The following GIGYF1 variants were observed in gnomAD, a reference collection of about 807,000 sequenced individuals.
GIGYF1 encodes the protein GRB10-interacting GYF protein 1.
GIGYF1 carries 84 observed loss-of-function variants against 147.1 expected under a neutral mutation model. The ratio of observed to expected loss-of-function variants is 0.57; its 90% CI spans 0.48 to 0.68. The LOEUF (loss-of-function observed/expected upper bound fraction) is 0.68. Among genes scored for constraint, GIGYF1 ranks in the 30% least tolerant of loss-of-function variants. The probability of loss-of-function intolerance (pLI) is 0.00; values close to 1 mark genes in which losing one functional copy is unlikely to be tolerated. For synonymous variants in GIGYF1, 752 were observed against 589.5 expected, an observed-to-expected ratio of 1.28 and a Z score of -3.99; for missense variants, 1,485 against 1,393.7, an observed-to-expected ratio of 1.07 and a Z score of -1.04.
chr7:100,685,722 G>A (rs927496033), intron 12 of GIGYF1, among the ~76,000 whole-genome samples: 9 of 152,254 alleles, frequency 5.9e-5, no homozygotes, highest in East Asian at 5.8e-4. Context: ...CACCGCAGAC[G>A]TCACTCCAGG....
At chr7:100,682,034 G>C (rs1393616813) in intron 25 of GIGYF1, 38 bp downstream of exon 25, 1 of 1,610,870 alleles carries the variant, frequency 6.2e-7, no homozygotes, top group Non-Finnish European at 8.5e-7. Flanking sequence ...GGAGGCACCA[G>C]GCAAGCCCAC....
At chr7:100,683,738 G>T in intron 19 of GIGYF1, 80 bp downstream of exon 19, 1 of 1,543,544 alleles carries the variant, frequency 6.5e-7, no homozygotes. Flanking sequence ...AGCTAGGGGC[G>T]TGTGGGGGTG....
At chr7:100,684,963 G>A (rs764696486) in intron 14 of GIGYF1, 69 bp from the exon 15 acceptor site, 103 of 1,581,474 alleles carry the variant, frequency 6.5e-5, no homozygotes, top group Non-Finnish European at 8.7e-5. Context: ...GGATGGGGAT[G>A]GAGCTTGAGC....
chr7:100,682,843 T>C (rs1804920141), intron 22 of GIGYF1, 66 bp from the exon 23 acceptor site: 1 of 1,461,424 alleles, frequency 6.8e-7, no homozygotes, highest in Admixed American at 2.4e-5. Context: ...TGGGGAGGCT[T>C]GTTTAGGTGG....
chr7:100,684,342 T>C lies in GIGYF1; in HGVS notation c.1630-5A>G. ...CCGCTCCTGGTCCATGTTTCCCTGC[T>C]CAGGTGAGAGCTCGGCCAGTGCCCC... On this transcript the variant is annotated splice_polypyrimidine_tract_variant and splice_region_variant and intron_variant, in intron 16 of 26. Transcript: ENST00000678049. 1 of 1,595,402 alleles carries C rather than the reference T, an allele frequency of 6.3e-7. No homozygotes were observed.
At chr7:100,684,212 C>G (rs780327911) in intron 17 of GIGYF1, 25 bp downstream of exon 17, 1 of 1,609,688 alleles carries the variant, frequency 6.2e-7, no homozygotes, top group Non-Finnish European at 8.5e-7. Context: ...GGGCCTTCTC[C>G]CAGCCCACCC....
At position 100,682,703 on chromosome 7, in the gene GIGYF1, G is replaced by A. The variant is rs749666868; in HGVS notation, c.2487C>T (p.Asp829=). The A allele has an allele frequency of 1.3e-6, 2 of 1,591,284 alleles. No homozygotes were observed. The highest frequency in any genetic ancestry group is 2.3e-5 in the South Asian group (2 of 87,960). The change falls in exon 23 of 27, where the codon GAC becomes GAT. Residue 829 remains aspartate (D), a synonymous_variant. Coordinates refer to ENST00000678049, the MANE Select transcript of GIGYF1 (RefSeq NM_001375765.1). ...GGCCGCTGCTGCCGCCCCCACTCTTGTCTGGCCCGCCCCACAGTGGCCCAG... is the reference window on the plus strand; with the variant it reads ...GGCCGCTGCTGCCGCCCCCACTCTTATCTGGCCCGCCCCACAGTGGCCCAG... ...SEAGPLWGGP[D]KSGGGSSGLG...
Position 100,687,834 on chromosome 7 carries a change from T to C in GIGYF1, c.215A>G (p.Glu72Gly), listed in dbSNP as rs1339936609. 6.2e-7 allele frequency: 1 copy of C among 1,612,844 alleles called. No homozygotes were observed. Among genetic ancestry groups the C allele is most frequent in the South Asian group, 1.1e-5 (1 of 91,072 alleles). ...DKEFAAVLQD[E>G]PLQPLALEPL... ...CTCCAGAGCCAGGGGCTGCAGTGGC[T>C]CGTCCTGCAGCACCGCGGCGAACTC... Residue 72 changes from glutamate to glycine, a missense_variant, in exon 6 of 27, where the codon GAG (glutamate) becomes GGG (glycine). By Grantham distance (98) the Glu-to-Gly change is moderately conservative. Transcript: ENST00000678049.
rs1474960468 is a variant in GIGYF1, at chr7:100,687,017, C to T, written c.512G>A (p.Arg171Lys). 2 of 1,613,976 alleles carry T rather than the reference C, an allele frequency of 1.2e-6. No homozygotes were observed. Among genetic ancestry groups the T allele is most frequent in the East Asian group, 2.2e-5 (1 of 44,888 alleles). ...RGERRFEKSA[R>K]RDGARCGFEE... is the part of the protein sequence containing the mutation. Reference sequence around the variant, plus strand: ...CAGCAGCCTCGTACCTCCATCCCGCCTTGCTGACTTCTCAAACCGCCTCTC... The same window carrying T: ...CAGCAGCCTCGTACCTCCATCCCGCTTTGCTGACTTCTCAAACCGCCTCTC... The change falls in exon 9 of 27, where the codon AGG becomes AAG. Residue 171 changes from arginine to lysine, a missense_variant. By Grantham distance (26) the Arg-to-Lys change is conservative (BLOSUM62 2). Transcript: ENST00000678049.
chr7:100,682,540 G>C, intron 23 of GIGYF1, 50 bp downstream of exon 23: 1 of 1,595,854 alleles, frequency 6.3e-7, no homozygotes, highest in East Asian at 2.2e-5. Flanking sequence ...GGGGGGGTCT[G>C]CCACCTTCCC....
chr7:100,684,560 A>T lies in GIGYF1; in HGVS notation c.1519T>A (p.Ser507Thr). The T allele has an allele frequency of 6.2e-7, 1 of 1,614,130 alleles. No homozygotes were observed. Among genetic ancestry groups the T allele is most frequent in the East Asian group, 2.2e-5 (1 of 44,882 alleles). ...EWFQAGYFSM[S>T]LLVKRGCDEG... ...TCGCAGCCCCGCTTCACCAGCAGTG[A>T]CATGGAAAAGTAGCCGGCCTGGAAC... The change falls in exon 16 of 27, where the codon TCA (serine) becomes ACA (threonine). Residue 507 changes from serine to threonine, a missense_variant. Ser to Thr is a moderately conservative substitution (Grantham distance 58). Transcript: ENST00000678049.
At chr7:100,684,188 A>C in intron 17 of GIGYF1, 31 bp from the exon 18 acceptor site, 2 of 1,609,214 alleles carry the variant, frequency 1.2e-6, no homozygotes, top group Non-Finnish European at 1.7e-6. Context: ...ATGGTGGGCC[A>C]CAGAGCCAGC....
Position 100,688,761 on chromosome 7 carries a change from C to A in GIGYF1, c.-304G>T. On this transcript the variant is annotated 5_prime_UTR_variant, in exon 2 of 27. Coordinates refer to ENST00000678049, the MANE Select transcript of GIGYF1 (RefSeq NM_001375765.1). ...GGAGGAGGGAGGGTTCAGGACATGG[C>A]TCTGCCGGCAGCCCTGCCCTGCCCC... 1 of 300,812 alleles carries A rather than the reference C, an allele frequency of 3.3e-6. No homozygotes were observed. The highest frequency in any genetic ancestry group is 4.2e-5 in the Admixed American group (1 of 23,910). 18.6% of individuals were successfully genotyped at this position (300,812 alleles called of 1,614,324 possible).
At chr7:100,686,474 A>G (rs1347763282) in intron 10 of GIGYF1, 41 bp from the exon 11 acceptor site, 2 of 1,542,194 alleles carry the variant, frequency 1.3e-6, no homozygotes, top group Non-Finnish European at 1.7e-6. Context: ...TGGGTACCCA[A>G]GCGAAGCCAG....
At position 100,686,387 on chromosome 7, in the gene GIGYF1, C is replaced by T; in HGVS notation, c.741G>A (p.Arg247=). 6.2e-7 allele frequency: 1 copy of T among 1,611,030 alleles called. No homozygotes were observed. Among genetic ancestry groups the T allele is most frequent in the Non-Finnish European group, 8.5e-7 (1 of 1,178,448 alleles). Residue 247 remains arginine, a synonymous_variant, in exon 11 of 27, where the codon CGG becomes CGA. Transcript: ENST00000678049. ...SAGWREHGER[R]RKFEFDLRGD... ...CTCGCAAATCAAATTCAAACTTGCG[C>T]CGCCGTTCCCCATGTTCCCGCCAGC...
At position 100,685,218 on chromosome 7, in the gene GIGYF1, C is replaced by G. The variant is rs1251864043; in HGVS notation, c.1193-72G>C. ...AAGATAGCTTTCGCCTACTCTCACT[C>G]CAGAACACCACGCTCTTGCCATGGC... is the stretch of plus-strand genomic sequence containing the variant. On this transcript the variant is annotated intron_variant, in intron 13 of 26. Coordinates refer to ENST00000678049, the MANE Select transcript of GIGYF1 (RefSeq NM_001375765.1). 6.6e-6 allele frequency: 10 copies of G among 1,519,154 alleles called. No individual in the cohort carries two copies. In the Admixed American group the frequency reaches 1.3e-4, roughly 20 times the overall value. 94.1% of individuals were successfully genotyped at this position (1,519,154 alleles called of 1,614,324 possible).
In GIGYF1 at chr7:100,683,026, G is replaced by A. The variant is rs1272746684; in HGVS notation, c.2398C>T (p.Pro800Ser). The A allele has an allele frequency of 5.2e-6, 8 of 1,536,472 alleles. No homozygotes were observed. The African/African-American group carries it at 6.8e-5, about 13-fold the overall frequency. ...PPREPARAQAPNHRVQLGGLG... is the reference protein window; with the variant it reads ...PPREPARAQASNHRVQLGGLG... ...GGCCTGCTCACCACTCGGTGGTTGG[G>A]GGCCTGGGCCCGAGCTGGCTCCCGA... The change falls in exon 22 of 27, where the codon CCC becomes TCC. Residue 800 changes from proline to serine, a missense_variant. Coordinates refer to ENST00000678049, the MANE Select transcript of GIGYF1 (RefSeq NM_001375765.1).
At chr7:100,690,772 ACT>A (rs1327233492) in intron 1 of GIGYF1, among the ~76,000 whole-genome samples, 4 of 116,616 alleles carry the variant, frequency 3.4e-5, no homozygotes, top group Non-Finnish European at 4.9e-5. Context: ...ACAGAGCAAG[ACT>A]CTGTCTCAAA....
intron 16 of GIGYF1, 41 bp from the exon 17 acceptor site, chr7:100,684,378 G>T: frequency 6.3e-7 from 1 of 1,599,294 alleles, no homozygotes. Flanking sequence ...CAGCAGGGAG[G>T]AGGGGACTCT....
Sources: gnomAD v4.1 joint callset for allele counts (sites outside exome capture counted in the v4.1 genomes callset) on GRCh38, gnomAD v4.1.1 for gene constraint, MANE v1.5 for transcripts, NCBI Gene and HGNC (gene_info 2026-07-23, HGNC 2026-07-21) for gene names.